Variants in ZNF536 observed in about 807,000 individuals in gnomAD.
The protein encoded by ZNF536 is zinc finger protein 536.
In ZNF536, 13 loss-of-function variants were observed where a neutral mutation model predicts 84.5. The ratio of observed to expected loss-of-function variants is 0.15; its 90% CI spans 0.10 to 0.24. ZNF536 has a LOEUF of 0.24. Among genes scored for constraint, ZNF536 ranks in the 10% least tolerant of loss-of-function variants. The pLI is 1.00. For missense variants in ZNF536, 1,536 were observed against 1,747.5 expected, an observed-to-expected ratio of 0.88 and a Z score of 2.16; for synonymous variants, 811 against 742.5, an observed-to-expected ratio of 1.09 and a Z score of -1.50.
intron 2 of ZNF536, among the ~76,000 whole-genome samples, chr19:30,521,740 A>G (rs1348271982): frequency 6.6e-6 from 1 of 152,162 alleles, no homozygotes. Context: ...ACAAAATTCA[A>G]GCCCTGTATC....
intron 1 of ZNF536, among the ~76,000 whole-genome samples, chr19:30,644,317 T>C (rs1020365776): frequency 6.6e-6 from 1 of 152,224 alleles, no homozygotes; most frequent in African/African-American, 2.4e-5. Flanking sequence ...TTAAAGTATG[T>C]ACGTCTCCAG....
intron 2 of ZNF536, among the ~76,000 whole-genome samples, chr19:30,514,332 C>T (rs765982157): frequency 6.6e-6 from 1 of 152,090 alleles, no homozygotes; most frequent in Non-Finnish European, 1.5e-5. Flanking sequence ...CCCTTAATCT[C>T]GTTGATGTGG....
intron 2 of ZNF536, among the ~76,000 whole-genome samples, chr19:30,331,292 TAAAAAAAA>T (rs11324495): frequency 4.8e-5 from 2 of 41,740 alleles, no homozygotes; most frequent in Non-Finnish European, 7.9e-5. Context: ...CCCTGTATCT[TAAAAAAAA>T]AAAAAAAAAA....
At chr19:30,704,419 G>A (rs1361422197) in intron 1 of ZNF536, among the ~76,000 whole-genome samples, 1 of 152,004 alleles carries the variant, frequency 6.6e-6, no homozygotes, top group African/African-American at 2.4e-5. Context: ...GGCTGAGGTG[G>A]GCGGATCACC....
At chr19:30,592,150 T>C (rs568963437) in intron 1 of ZNF536, among the ~76,000 whole-genome samples, 2 of 152,276 alleles carry the variant, frequency 1.3e-5, no homozygotes, top group Non-Finnish European at 2.9e-5. Context: ...ATGTGCAGAG[T>C]AATTTCCATG....
At chr19:30,341,292 G>A (rs1317979188) in intron 2 of ZNF536, among the ~76,000 whole-genome samples, 1 of 152,214 alleles carries the variant, frequency 6.6e-6, no homozygotes, top group East Asian at 1.9e-4. Flanking sequence ...TGTTGAGATT[G>A]CAGTGATGTT....
intron 1 of ZNF536, among the ~76,000 whole-genome samples, chr19:30,376,896 G>T (rs1232182931): frequency 6.6e-6 from 1 of 152,162 alleles, no homozygotes; most frequent in Non-Finnish European, 1.5e-5. Flanking sequence ...GCTGCGCCCA[G>T]CATCTGGCTG....
chr19:30,552,722 C>T (rs1344863441), intron 4 of ZNF536, among the ~76,000 whole-genome samples: 1 of 152,188 alleles, frequency 6.6e-6, no homozygotes, highest in East Asian at 1.9e-4. Context: ...CCAATGGATT[C>T]CTAACTCTGG....
In ZNF536 at chr19:30,474,329, C is replaced by G. The variant is rs549648758; in HGVS notation, c.2170+28597C>G. Among the ~76,000 whole-genome samples, 9 of 152,088 alleles carry G rather than the reference C, an allele frequency of 5.9e-5. No individual in the cohort carries two copies. In the East Asian group the frequency reaches 1.4e-3, roughly 23 times the overall value. ...AAACCCTCTTTCTCTCTCTCTCTCT[C>G]TCTGTGTGTGTGTGTGTGAAATGAT... On this transcript the variant is annotated intron_variant, in intron 2 of 4. Coordinates refer to ENST00000355537, the MANE Select transcript of ZNF536 (RefSeq NM_014717.3).
chr19:30,364,162 TA>T (rs974825894), intron 3 of ZNF536, among the ~76,000 whole-genome samples: 2 of 152,108 alleles, frequency 1.3e-5, no homozygotes, highest in Non-Finnish European at 2.9e-5. Context: ...CTCACTGGGA[TA>T]TAGCCAAGAA....
rs533489708 is a variant in ZNF536, at chr19:30,257,925, G to A, written c.-189-26147G>A. Among the ~76,000 whole-genome samples, 6 of 152,312 alleles carry A rather than the reference G, an allele frequency of 3.9e-5. No individual in the cohort carries two copies. In the South Asian group the frequency reaches 1.2e-3, roughly 32 times the overall value. On this transcript the variant is annotated intron_variant, in intron 1 of 5. Coordinates refer to the ZNF536 transcript ENST00000585628. ...TTTCTGGATTGCTGTCTTTGACCTG[G>A]TCAACATTGAGTACACAAGCAAGCC...
chr19:30,424,339 A>G (rs976103145), intron 1 of ZNF536, among the ~76,000 whole-genome samples: 1 of 152,168 alleles, frequency 6.6e-6, no homozygotes, highest in African/African-American at 2.4e-5. Flanking sequence ...AGAGGAGGCC[A>G]GGAATCCCTC....
At chr19:30,638,514 A>G (rs908993008) in intron 1 of ZNF536, among the ~76,000 whole-genome samples, 3 of 152,182 alleles carry the variant, frequency 2.0e-5, no homozygotes, top group Non-Finnish European at 4.4e-5. Context: ...TACACTTTTA[A>G]ACAACCAGAT....
chr19:30,647,868 C>T (rs774241137), intron 1 of ZNF536, among the ~76,000 whole-genome samples: 6 of 152,216 alleles, frequency 3.9e-5, no homozygotes, highest in Non-Finnish European at 7.3e-5. Context: ...AGTCTTGAGG[C>T]TTCCCTGACA....
Position 30,377,523 on chromosome 19 carries a change from C to T in ZNF536, c.-3+4967C>T, listed in dbSNP as rs2048863103. 2.6e-5 allele frequency among the ~76,000 whole-genome samples: 4 copies of T among 152,140 alleles called. No individual in the cohort carries two copies. In the South Asian group the frequency reaches 8.3e-4, roughly 32 times the overall value. On this transcript the variant is annotated intron_variant, in intron 1 of 4. Transcript: ENST00000355537. ...GTAAAGTGGTGAAAGTACGGCTACTCGTAGACAGAGTAGGGCGTTCAGGAA... is the reference window on the plus strand; with the variant it reads ...GTAAAGTGGTGAAAGTACGGCTACTTGTAGACAGAGTAGGGCGTTCAGGAA...
intron 1 of ZNF536, among the ~76,000 whole-genome samples, chr19:30,266,513 AT>A (rs1568544643): frequency 1.3e-5 from 2 of 152,132 alleles, no homozygotes; most frequent in Admixed American, 6.5e-5. Context: ...TCTCGTCTGT[AT>A]CTCTCTCCTC....
At chr19:30,365,938 A>G (rs1306858409) in intron 3 of ZNF536, among the ~76,000 whole-genome samples, 1 of 152,174 alleles carries the variant, frequency 6.6e-6, no homozygotes, top group Non-Finnish European at 1.5e-5. Context: ...TTTTAAAAAA[A>G]ATAGGAGTTT....
intron 1 of ZNF536, among the ~76,000 whole-genome samples, chr19:30,237,345 T>C (rs562512565): frequency 6.6e-6 from 1 of 152,264 alleles, no homozygotes; most frequent in East Asian, 1.9e-4. Flanking sequence ...CTGGTAGAGG[T>C]TGGCCTCCCG....
chr19:30,451,317 T>C (rs1255492554), intron 2 of ZNF536, among the ~76,000 whole-genome samples: 1 of 152,258 alleles, frequency 6.6e-6, no homozygotes, highest in Non-Finnish European at 1.5e-5. Context: ...CACATCATCC[T>C]CCTCCTTCCC....
Sources: gnomAD v4.1 joint callset for allele counts (sites outside exome capture counted in the v4.1 genomes callset) on GRCh38, gnomAD v4.1.1 for gene constraint, MANE v1.5 for transcripts, NCBI Gene and HGNC (gene_info 2026-07-23, HGNC 2026-07-21) for gene names.